NR5A2: variants seen among roughly 807,000 people sequenced by gnomAD.
The protein encoded by NR5A2 is CYP7A promoter-binding factor.
A neutral mutation model predicts 62.7 loss-of-function variants in NR5A2; 26 were observed. The ratio of observed to expected loss-of-function variants is 0.41; its 90% CI spans 0.30 to 0.58. NR5A2 has a LOEUF of 0.58. NR5A2 is among the 20% of genes least tolerant of loss of function. The pLI, the probability that NR5A2 is intolerant of heterozygous loss-of-function variation, is 0.22. For synonymous variants in NR5A2, 246 were observed against 241.7 expected (o/e 1.02, Z -0.16); for missense variants, 541 against 669.1 (o/e 0.81, Z 2.11).
intron 5 of NR5A2, among the ~76,000 whole-genome samples, chr1:200,091,378 G>T (rs1291403916): frequency 6.6e-6 from 1 of 151,926 alleles, no homozygotes; most frequent in Non-Finnish European, 1.5e-5. Context: ...AAGCTCAGGG[G>T]GTTTAGTTAT....
At position 200,146,762 on chromosome 1, in the gene NR5A2, C is replaced by G. The variant is rs146350364; in HGVS notation, c.1378+25807C>G. 2.9e-3 allele frequency among the ~76,000 whole-genome samples: 439 copies of G among 152,190 alleles called. 2 individuals carry two copies. Among genetic ancestry groups the G allele is most frequent in the Non-Finnish European group, 4.5e-3 (304 of 67,998 alleles). On this transcript the variant is annotated intron_variant, in intron 7 of 7. Coordinates refer to ENST00000367362, the MANE Select transcript of NR5A2 (RefSeq NM_205860.3). ...CAAATTACCCCAAATATTCTTAGTACTTTCAAAAATTTATTTGGAAATTAC... is the reference window on the plus strand; with the variant it reads ...CAAATTACCCCAAATATTCTTAGTAGTTTCAAAAATTTATTTGGAAATTAC...
At chr1:200,123,229 G>T (rs1360801759) in intron 7 of NR5A2, among the ~76,000 whole-genome samples, 1 of 152,172 alleles carries the variant, frequency 6.6e-6, no homozygotes, top group African/African-American at 2.4e-5. Flanking sequence ...GGTCTATTCT[G>T]AGAGATGACT....
intron 5 of NR5A2, among the ~76,000 whole-genome samples, chr1:200,088,131 C>G (rs1451617440): frequency 6.6e-6 from 1 of 152,196 alleles, no homozygotes; most frequent in Non-Finnish European, 1.5e-5. Context: ...TCTTGAACTC[C>G]TAGCCTCAAG....
At chr1:200,078,275 T>C (rs1370030345) in intron 5 of NR5A2, among the ~76,000 whole-genome samples, 3 of 152,206 alleles carry the variant, frequency 2.0e-5, no homozygotes, top group Non-Finnish European at 4.4e-5. Context: ...GTGTGTTATG[T>C]ATGGCATGTC....
At chr1:200,167,123 T>G (rs926520564) in intron 7 of NR5A2, among the ~76,000 whole-genome samples, 1 of 152,208 alleles carries the variant, frequency 6.6e-6, no homozygotes, top group African/African-American at 2.4e-5. Context: ...TGTACACTGA[T>G]AAGTCCCAAA....
At chr1:200,135,723 A>T (rs548965848) in intron 7 of NR5A2, among the ~76,000 whole-genome samples, 1 of 152,086 alleles carries the variant, frequency 6.6e-6, no homozygotes, top group Non-Finnish European at 1.5e-5. Flanking sequence ...AATAATAATG[A>T]TCTACCTGAA....
At chr1:200,084,951 G>A (rs1664456283) in intron 5 of NR5A2, among the ~76,000 whole-genome samples, 1 of 152,176 alleles carries the variant, frequency 6.6e-6, no homozygotes, top group Non-Finnish European at 1.5e-5. Context: ...GTGCCGCATT[G>A]TGAGCCGTTT....
At chr1:200,085,534 G>A (rs1664481356) in intron 5 of NR5A2, among the ~76,000 whole-genome samples, 2 of 151,996 alleles carry the variant, frequency 1.3e-5, no homozygotes, top group South Asian at 2.1e-4. Flanking sequence ...TAAAAATAGG[G>A]GTAATGTATA....
intron 7 of NR5A2, among the ~76,000 whole-genome samples, chr1:200,131,589 T>C (rs1666971728): frequency 6.6e-6 from 1 of 152,234 alleles, no homozygotes; most frequent in Non-Finnish European, 1.5e-5. Context: ...TGGTTGATGT[T>C]TCTCGCTGCT....
rs970422720 is a variant in NR5A2, at chr1:200,176,150, T to C, written c.*1940T>C. ...ATCATTCCTACTGTAGTTTATTTAATATCTATTGTAAATTATGTGACTTGT... is the reference window on the plus strand; with the variant it reads ...ATCATTCCTACTGTAGTTTATTTAACATCTATTGTAAATTATGTGACTTGT... On this transcript the variant is annotated 3_prime_UTR_variant, in exon 8 of 8. Transcript: ENST00000367362. 1.3e-5 allele frequency: 2 copies of C among 152,656 alleles called. No individual in the cohort carries two copies. Among genetic ancestry groups the C allele is most frequent in the African/African-American group, 2.4e-5 (1 of 41,464 alleles). The allele number at this position is 152,656 out of a possible 1,614,324, so 9.5% of individuals were successfully genotyped here. A position where few individuals can be genotyped will look rare whatever the true frequency, so the allele number is the denominator to read the frequency against.
intron 7 of NR5A2, among the ~76,000 whole-genome samples, chr1:200,142,478 G>A (rs1667490202): frequency 6.6e-6 from 1 of 151,818 alleles, no homozygotes. Context: ...TTATAGGCGT[G>A]AGCCACTGCG....
At chr1:200,171,390 A>C (rs2102396820) in intron 7 of NR5A2, among the ~76,000 whole-genome samples, 1 of 152,316 alleles carries the variant, frequency 6.6e-6, no homozygotes, top group South Asian at 2.1e-4. Flanking sequence ...TGCCAGAAGG[A>C]AAATTGCACA....
intron 1 of NR5A2, among the ~76,000 whole-genome samples, chr1:200,035,636 G>T (rs1661741615): frequency 6.6e-6 from 1 of 152,172 alleles, no homozygotes; most frequent in Non-Finnish European, 1.5e-5. Flanking sequence ...GGGCGCGCAC[G>T]GCCCCGTAAC....
chr1:200,039,881 CGGGCGCGGGAGTAGCCCCGCT>C lies in NR5A2; in HGVS notation c.202+93_202+113del, dbSNP rs1258880602. 1.9e-5 allele frequency: 28 copies of C among 1,449,972 alleles called. No individual in the cohort carries two copies. Among genetic ancestry groups the C allele is most frequent in the East Asian group, 1.4e-4 (5 of 35,090 alleles). The allele number at this position is 1,449,972 out of a possible 1,614,324, so 89.8% of individuals were successfully genotyped here. A position where few individuals can be genotyped will look rare whatever the true frequency, so the allele number is the denominator to read the frequency against. On this transcript the variant is annotated intron_variant, in intron 2 of 7. Transcript: ENST00000367362. This position sits in a 1 kb window ranked among gnomAD's most constrained non-coding sequence, Gnocchi z 5.1. ...GCAGGCTTCAGCCTCCCGCCCCGCG[CGGGCGCGGGAGTAGCCCCGCT>C]GGGCGCTCGCAGCCGCGGGAGTCAA...
chr1:200,123,031 T>C (rs1027931570), intron 7 of NR5A2, among the ~76,000 whole-genome samples: 3 of 152,136 alleles, frequency 2.0e-5, no homozygotes, highest in African/African-American at 7.2e-5. Context: ...TGATTAAGGG[T>C]GAAATCATAC....
At chr1:200,049,125 TA>T (rs1474055908) in intron 5 of NR5A2, among the ~76,000 whole-genome samples, 1 of 152,186 alleles carries the variant, frequency 6.6e-6, no homozygotes, top group Non-Finnish European at 1.5e-5. Context: ...GTTTGTGGCT[TA>T]AAACATTTCA....
intron 5 of NR5A2, among the ~76,000 whole-genome samples, chr1:200,076,135 C>A (rs772201846): frequency 6.6e-6 from 1 of 152,144 alleles, no homozygotes; most frequent in Non-Finnish European, 1.5e-5. Context: ...AAGTAGTCTT[C>A]CGCATGGTTT....
At chr1:200,156,543 G>GC (rs923744087) in intron 7 of NR5A2, among the ~76,000 whole-genome samples, 7 of 152,018 alleles carry the variant, frequency 4.6e-5, no homozygotes, top group African/African-American at 7.2e-5. Context: ...GATTACAGGT[G>GC]CCCCCCCACC....
intron 7 of NR5A2, among the ~76,000 whole-genome samples, chr1:200,121,327 G>A (rs2102311207): frequency 6.6e-6 from 1 of 152,266 alleles, no homozygotes; most frequent in African/African-American, 2.4e-5. Context: ...ATTTCTATGT[G>A]CCTTTCGTTT....
Sources: allele counts gnomAD v4.1 joint callset (sites outside exome capture counted in the v4.1 genomes callset), GRCh38; gene constraint gnomAD v4.1.1; non-coding constraint Gnocchi (gnomAD v3.1); transcripts MANE v1.5; gene names NCBI Gene and HGNC (gene_info 2026-07-23, HGNC 2026-07-21).